The following MGAT4C variants were observed in gnomAD, a reference collection of about 807,000 sequenced individuals.
MGAT4C encodes alpha-1,3-mannosyl-glycoprotein 4-beta-N-acetylglucosaminyltransferase C.
Under a neutral mutation model 40.1 loss-of-function variants are expected in MGAT4C, and 19 were observed. The observed-to-expected ratio is 0.47, with a 90% CI of 0.33 to 0.70. The LOEUF (loss-of-function observed/expected upper bound fraction) is 0.70. Ranked by LOEUF, MGAT4C falls within the 30% of genes least tolerant of loss-of-function variation. The pLI is 0.02. For missense variants in MGAT4C, 491 were observed against 563.2 expected, an observed-to-expected ratio of 0.87 and a Z score of 1.30; for synonymous variants, 181 against 187.1, an observed-to-expected ratio of 0.97 and a Z score of 0.27.
At chr12:86,135,112 T>C (rs1316046963) in intron 1 of MGAT4C, among the ~76,000 whole-genome samples, 1 of 152,142 alleles carries the variant, frequency 6.6e-6, no homozygotes, top group African/African-American at 2.4e-5. Context: ...ACATATATAT[T>C]GCTCAATTTG....
intron 1 of MGAT4C, among the ~76,000 whole-genome samples, chr12:86,114,647 C>T (rs1878066611): frequency 1.3e-5 from 2 of 151,638 alleles, no homozygotes; most frequent in South Asian, 4.2e-4. Context: ...TTATTTTACT[C>T]GTGCCATATA....
At chr12:86,490,074 G>A (rs1308762471) in intron 2 of MGAT4C, among the ~76,000 whole-genome samples, 8 of 151,868 alleles carry the variant, frequency 5.3e-5, no homozygotes, top group Admixed American at 2.0e-4. Context: ...TATAGAGAAC[G>A]CCACAAAGAT....
At chr12:85,993,406 GGGA>G (rs1303796218) in intron 2 of MGAT4C, among the ~76,000 whole-genome samples, 1 of 152,152 alleles carries the variant, frequency 6.6e-6, no homozygotes, top group Non-Finnish European at 1.5e-5. Context: ...AATGAGAGAA[GGGA>G]GGAGGAAACA....
chr12:86,067,002 A>C (rs1189148289), intron 1 of MGAT4C, among the ~76,000 whole-genome samples: 1 of 152,230 alleles, frequency 6.6e-6, no homozygotes, highest in Non-Finnish European at 1.5e-5. Flanking sequence ...TCAAAACCAC[A>C]ATGAAATACC....
chr12:85,989,278 T>C (rs1273992545), intron 3 of MGAT4C, 122 bp downstream of exon 3: 1 of 797,306 alleles, frequency 1.3e-6, no homozygotes, highest in Non-Finnish European at 1.8e-6. Context: ...ATACATGTTA[T>C]AATTTTGCTC....
chr12:86,061,429 G>A (rs554571262), intron 1 of MGAT4C, among the ~76,000 whole-genome samples: 6 of 152,110 alleles, frequency 3.9e-5, no homozygotes, highest in African/African-American at 1.2e-4. Context: ...AAAACTCGGC[G>A]GCAGTTTGGA....
chr12:86,528,266 G>T (rs1397888125), intron 2 of MGAT4C, among the ~76,000 whole-genome samples: 5 of 151,906 alleles, frequency 3.3e-5, no homozygotes, highest in African/African-American at 1.2e-4. Flanking sequence ...TTATAATGTT[G>T]GTCTCAAGCT....
chr12:86,114,374 C>A (rs1878011324), intron 1 of MGAT4C, among the ~76,000 whole-genome samples: 2 of 151,822 alleles, frequency 1.3e-5, no homozygotes, highest in South Asian at 4.1e-4. Context: ...CAGAGCATGG[C>A]AAACAATCTG....
chr12:86,492,323 G>A (rs1387225908), intron 2 of MGAT4C, among the ~76,000 whole-genome samples: 3 of 152,086 alleles, frequency 2.0e-5, no homozygotes, highest in South Asian at 2.1e-4. Flanking sequence ...AACCAAAAAC[G>A]AGCCCGCATT....
At chr12:86,464,551 A>T (rs1375964653) in intron 2 of MGAT4C, among the ~76,000 whole-genome samples, 3 of 152,178 alleles carry the variant, frequency 2.0e-5, no homozygotes, top group East Asian at 3.9e-4. Flanking sequence ...ATGACTGTAC[A>T]TTCAAATTTC....
At chr12:85,989,671 T>C in intron 2 of MGAT4C, 119 bp from the exon 3 acceptor site, 1 of 936,746 alleles carries the variant, frequency 1.1e-6, no homozygotes, top group Non-Finnish European at 1.5e-6. Flanking sequence ...GAATTAAAAT[T>C]CTGTTCCCAA....
chr12:86,367,446 CAAACAG>C (rs1476357397), intron 3 of MGAT4C, among the ~76,000 whole-genome samples: 2 of 152,154 alleles, frequency 1.3e-5, no homozygotes, highest in African/African-American at 4.8e-5. Flanking sequence ...ATAAGCACAA[CAAACAG>C]AAACAGAAGC....
chr12:86,434,724 C>T (rs1205262725), intron 3 of MGAT4C, among the ~76,000 whole-genome samples: 1 of 151,828 alleles, frequency 6.6e-6, no homozygotes, highest in South Asian at 2.1e-4. Context: ...AAAATATCTG[C>T]AAGTGAATCC....
chr12:86,582,771 C>G (rs1960842002), intron 2 of MGAT4C, among the ~76,000 whole-genome samples: 4 of 151,138 alleles, frequency 2.6e-5, no homozygotes, highest in Admixed American at 1.3e-4. Flanking sequence ...GAAGTAGAGT[C>G]CCAAGGACAT....
intron 2 of MGAT4C, among the ~76,000 whole-genome samples, chr12:86,586,053 A>T (rs1293524604): frequency 2.8e-5 from 4 of 143,304 alleles, no homozygotes. Context: ...GCACCCATTA[A>T]CTCCTCATTT....
chr12:86,342,717 G>A (rs1049420225), intron 3 of MGAT4C, among the ~76,000 whole-genome samples: 1 of 152,066 alleles, frequency 6.6e-6, no homozygotes, highest in Non-Finnish European at 1.5e-5. Flanking sequence ...GGGATTACAG[G>A]CGTGAGCCAC....
intron 4 of MGAT4C, among the ~76,000 whole-genome samples, chr12:86,286,200 G>A (rs1236519824): frequency 6.6e-6 from 1 of 152,034 alleles, no homozygotes; most frequent in Non-Finnish European, 1.5e-5. Context: ...TTGGAGACAG[G>A]ATGTGACGTT....
intron 4 of MGAT4C, among the ~76,000 whole-genome samples, chr12:86,331,801 T>C (rs547960245): frequency 2.0e-5 from 3 of 152,292 alleles, no homozygotes; most frequent in Admixed American, 2.0e-4. Context: ...ACTACCACTA[T>C]AATCTGAGCA....
intron 1 of MGAT4C, among the ~76,000 whole-genome samples, chr12:86,758,375 CT>C (rs55666476): frequency 0.5 from 61,758 of 122,444 alleles, 15,533 homozygotes; most frequent in Admixed American, 0.62. Flanking sequence ...TGTCCGAATC[CT>C]TTTTTTTTTT....
Sources: allele counts gnomAD v4.1 joint callset (sites outside exome capture counted in the v4.1 genomes callset), GRCh38; gene constraint gnomAD v4.1.1; transcripts MANE v1.5; gene names NCBI Gene and HGNC (gene_info 2026-07-23, HGNC 2026-07-21).